Variants in PHYKPL observed in about 807,000 individuals in gnomAD.
The protein encoded by PHYKPL is 5-phosphonooxy-L-lysine phospho-lyase.
PHYKPL carries 42 observed loss-of-function variants against 51.3 expected under a neutral mutation model. The observed-to-expected ratio is 0.82, with a 90% CI of 0.64 to 1.06. PHYKPL has a LOEUF of 1.06. PHYKPL is among the 50% of genes least tolerant of loss of function. The pLI is 0.00. For synonymous variants in PHYKPL, 264 were observed against 236.0 expected, an observed-to-expected ratio of 1.12 and a Z score of -1.09; for missense variants, 655 against 586.6, an observed-to-expected ratio of 1.12 and a Z score of -1.20.
intron 11 of PHYKPL, among the ~76,000 whole-genome samples, chr5:178,212,257 T>G (rs1758685308): frequency 6.6e-6 from 1 of 152,178 alleles, no homozygotes; most frequent in African/African-American, 2.4e-5. Context: ...CCACTTCCAA[T>G]TTGTGTCTAG....
At chr5:178,210,569 C>T in intron 12 of PHYKPL, 3 of 1,614,136 alleles carry the variant, frequency 1.9e-6, no homozygotes, top group Non-Finnish European at 8.5e-7. Flanking sequence ...GTAGTACAAA[C>T]TACGGCAAGA....
intron 8 of PHYKPL, among the ~76,000 whole-genome samples, chr5:178,217,384 C>T (rs1201647310): frequency 6.6e-6 from 1 of 151,800 alleles, no homozygotes; most frequent in African/African-American, 2.4e-5. Flanking sequence ...CCACATCTGG[C>T]TAATTTTTGT....
intron 3 of PHYKPL, among the ~76,000 whole-genome samples, chr5:178,229,441 T>C (rs1184715956): frequency 6.6e-6 from 1 of 152,150 alleles, no homozygotes; most frequent in Admixed American, 6.5e-5. Flanking sequence ...GCAGCACCCT[T>C]CCTTCCTCCT....
At position 178,222,870 on chromosome 5, in the gene PHYKPL, T is replaced by C; in HGVS notation, c.683A>G (p.Tyr228Cys). ...VGGQIIPPAG[Y>C]FSQVAEHIRK... The stretch of plus-strand genomic sequence containing the variant: ...TACTCACTCTGCCACTTGGGAGAAG[T>C]AGCCAGCAGGGGGAATGATCTGCCC... Residue 228 changes from tyrosine to cysteine, a missense_variant, in exon 7 of 13, where the codon TAC (tyrosine) becomes TGC (cysteine). Tyr to Cys is a radical substitution (Grantham distance 194). Transcript: ENST00000308158. 2 of 1,614,080 alleles carry C rather than the reference T, an allele frequency of 1.2e-6. No individual in the cohort carries two copies. The highest frequency in any genetic ancestry group is 1.7e-6 in the Non-Finnish European group (2 of 1,180,008).
intron 8 of PHYKPL, among the ~76,000 whole-genome samples, chr5:178,220,505 A>G (rs541790255): frequency 3.9e-5 from 6 of 152,184 alleles, no homozygotes; most frequent in African/African-American, 1.4e-4. Flanking sequence ...TCAAAAAAAC[A>G]AAAACAAAAA....
rs1758827451 is a variant in PHYKPL at position 178,212,676 on chromosome 5, T to C, written c.1303+297A>G. The stretch of plus-strand genomic sequence containing the variant: ...GTCTCAACTCCCACTGTAGTTCTTA[T>C]GGCCTGTTTCTCAGGCCCAGTACTG... On this transcript the variant is annotated intron_variant, in intron 11 of 12. Coordinates refer to ENST00000308158, the MANE Select transcript of PHYKPL (RefSeq NM_153373.4). 3.3e-5 allele frequency among the ~76,000 whole-genome samples: 5 copies of C among 152,266 alleles called. No individual in the cohort carries two copies. In the South Asian group the frequency reaches 8.3e-4, roughly 25 times the overall value.
intron 4 of PHYKPL, 23 bp from the exon 5 acceptor site, chr5:178,224,752 G>C (rs757960371): frequency 1.3e-6 from 2 of 1,593,092 alleles, no homozygotes; most frequent in Non-Finnish European, 8.6e-7. Flanking sequence ...AGGGAGGGTA[G>C]GCTCGGGTCC....
At chr5:178,209,947 C>T (rs1009883446) in intron 12 of PHYKPL, among the ~76,000 whole-genome samples, 2 of 151,232 alleles carry the variant, frequency 1.3e-5, no homozygotes, top group Non-Finnish European at 2.9e-5. Flanking sequence ...GGTCTCTGAT[C>T]CTCTGCTTGG....
chr5:178,211,029 G>A (rs766278503), intron 12 of PHYKPL: 1 of 195,164 alleles, frequency 5.1e-6, no homozygotes, highest in Non-Finnish European at 1.1e-5. Context: ...TAACGGAAGT[G>A]TTAATTTTAC....
At chr5:178,211,220 C>CGGGGGGGGGGG (rs56204741) in intron 12 of PHYKPL, 1 of 140,250 alleles carries the variant, frequency 7.1e-6, no homozygotes, top group Non-Finnish European at 1.6e-5. Context: ...TCGAGGGAGG[C>CGGGGGGGGGGG]GGGGGGGGGG....
At chr5:178,228,674 A>G (rs1297596501) in intron 3 of PHYKPL, 2 of 697,846 alleles carry the variant, frequency 2.9e-6, no homozygotes, top group Admixed American at 4.1e-5. Context: ...CACAGTAATC[A>G]TCACTATAAT....
chr5:178,211,899 A>C lies in PHYKPL; in HGVS notation c.*22T>G. On this transcript the variant is annotated 3_prime_UTR_variant, in exon 12 of 13. Coordinates refer to ENST00000308158, the MANE Select transcript of PHYKPL (RefSeq NM_153373.4). ...AGCAAGGCCCACTCACCTGGAGTAC[A>C]CTTAGGCAGAGCAGGGCTGGCTTAG... 6.2e-7 allele frequency: 1 copy of C among 1,613,402 alleles called. No homozygotes were observed. The highest frequency in any genetic ancestry group is 8.5e-7 in the Non-Finnish European group (1 of 1,179,336).
intron 1 of PHYKPL, chr5:178,231,879 G>A (rs1336481257): frequency 1.5e-6 from 2 of 1,326,966 alleles, no homozygotes; most frequent in Non-Finnish European, 2.0e-6. Flanking sequence ...TCGATGGGAT[G>A]GGCCAGGGCA....
chr5:178,220,733 A>C (rs28578390), intron 8 of PHYKPL, among the ~76,000 whole-genome samples: 1,485 of 146,812 alleles, frequency 0.01, 35 homozygotes, highest in African/African-American at 0.03. Context: ...AAAAAAAAAA[A>C]AAAACAAAAA....
chr5:178,226,533 TGAAG>T (rs1762324212), intron 3 of PHYKPL: 1 of 152,198 alleles, frequency 6.6e-6, no homozygotes. Flanking sequence ...GGGTGAGGTA[TGAAG>T]GAAGGGCATG....
chr5:178,209,696 A>T (rs1330384178), intron 12 of PHYKPL, among the ~76,000 whole-genome samples: 1 of 151,840 alleles, frequency 6.6e-6, no homozygotes, highest in African/African-American at 2.4e-5. Context: ...GGGGGAGGGG[A>T]TGTGATGGGT....
intron 3 of PHYKPL, chr5:178,228,304 C>T (rs1581362111): frequency 1.9e-6 from 1 of 537,826 alleles, no homozygotes; most frequent in Non-Finnish European, 3.3e-6. Context: ...TGATAGAAAA[C>T]AGGAGAGCAC....
At chr5:178,230,364 T>C in intron 2 of PHYKPL, 1 of 415,486 alleles carries the variant, frequency 2.4e-6, no homozygotes, top group Non-Finnish European at 4.5e-6. Context: ...GAGGACTTTT[T>C]TTTTTTTTTT....
chr5:178,208,038 G>A (rs750292391), downstream of PHYKPL, among the ~76,000 whole-genome samples: 33 of 152,172 alleles, frequency 2.2e-4, no homozygotes, highest in Non-Finnish European at 3.4e-4. Flanking sequence ...AGATCTCCCA[G>A]GGTCCTGGCC....
Sources: gnomAD v4.1 joint callset for allele counts (sites outside exome capture counted in the v4.1 genomes callset) on GRCh38, gnomAD v4.1.1 for gene constraint, MANE v1.5 for transcripts, NCBI Gene and HGNC (gene_info 2026-07-23, HGNC 2026-07-21) for gene names.